GRK1: variants seen among roughly 807,000 people sequenced by gnomAD.
GRK1 encodes G protein-coupled receptor kinase 1.
GRK1 carries 28 observed loss-of-function variants against 41.7 expected under a neutral mutation model. The observed-to-expected ratio is 0.67, with a 90% CI of 0.50 to 0.92. The LOEUF (loss-of-function observed/expected upper bound fraction) is 0.92. Ranked by LOEUF, GRK1 falls within the 40% of genes least tolerant of loss-of-function variation. The pLI is 0.00. For missense variants in GRK1, 703 were observed against 671.2 expected, an observed-to-expected ratio of 1.05 and a Z score of -0.52; for synonymous variants, 327 against 286.7, an observed-to-expected ratio of 1.14 and a Z score of -1.42.
chr13:113,672,268 T>A (rs921621590), intron 3 of GRK1, among the ~76,000 whole-genome samples: 23 of 149,754 alleles, frequency 1.5e-4, no homozygotes, highest in Non-Finnish European at 2.7e-4. Context: ...TGTGATTGTG[T>A]GGTGTGTGCG....
the GRK1 span, chr13:113,653,252 TCACC>T: frequency 8.9e-6 from 13 of 1,457,416 alleles, no homozygotes; most frequent in South Asian, 7.1e-5. Flanking sequence ...GCTTCACACC[TCACC>T]CACCCGCCGC....
chr13:113,733,633 G>A (rs926852160), intron 6 of GRK1, among the ~76,000 whole-genome samples: 1 of 149,876 alleles, frequency 6.7e-6, no homozygotes, highest in African/African-American at 2.5e-5. Context: ...ATACGTGTGT[G>A]CTCATGTATG....
At chr13:113,658,018 G>GC in the GRK1 span, 28 of 1,582,790 alleles carry the variant, frequency 1.8e-5, 1 homozygote, top group South Asian at 1.4e-4. Flanking sequence ...CAGCCGGCCC[G>GC]CCCCCCGCAC....
chr13:113,657,062 A>G, the GRK1 span, among the ~76,000 whole-genome samples: 1 of 152,166 alleles, frequency 6.6e-6, no homozygotes, highest in Non-Finnish European at 1.5e-5. Context: ...GAGACCGTGG[A>G]GCCTCCAGCG....
the GRK1 span, chr13:113,657,990 C>G: frequency 6.7e-7 from 1 of 1,486,132 alleles, no homozygotes; most frequent in Non-Finnish European, 9.1e-7. Context: ...GTCCTCAGAG[C>G]GGCCCCCTCC....
At chr13:113,657,385 C>T in the GRK1 span, among the ~76,000 whole-genome samples, 7,467 of 152,332 alleles carry the variant, frequency 0.049, 302 homozygotes, top group Non-Finnish European at 0.062. Flanking sequence ...TTTCCCGGAA[C>T]GGGTGTGGCA....
At chr13:113,653,166 C>G in the GRK1 span, 1 of 1,474,556 alleles carries the variant, frequency 6.8e-7, no homozygotes, top group Non-Finnish European at 9.2e-7. Flanking sequence ...GTGCGAGTTT[C>G]TCATGAAATA....
At position 113,736,595 on chromosome 13, in the gene GRK1, G is replaced by C. The variant is rs1156351601; in HGVS notation, c.*1232G>C. The C allele has an allele frequency of 6.6e-6, 1 of 152,256 alleles. No homozygotes were observed. The highest frequency in any genetic ancestry group is 1.5e-5 in the Non-Finnish European group (1 of 68,052). 9.4% of individuals were successfully genotyped at this position (152,256 alleles called of 1,614,324 possible). ...TGGCCTGGGTTCCATGGCCTCAGCA[G>C]CCGGCTCAGAGGGAGTGCATCCAAG... On this transcript the variant is annotated 3_prime_UTR_variant, in exon 7 of 7. Transcript: ENST00000335678.
At chr13:113,651,770 C>T in the GRK1 span, 13 of 1,604,974 alleles carry the variant, frequency 8.1e-6, no homozygotes, top group Admixed American at 3.4e-5. Context: ...CCACCCCCAC[C>T]GCCATGTGAG....
intron 5 of GRK1, 112 bp from the exon 6 acceptor site, chr13:113,732,770 TGG>T (rs1449117402): frequency 8.9e-7 from 1 of 1,127,586 alleles, no homozygotes; most frequent in African/African-American, 1.6e-5. Flanking sequence ...CAAGGCCTCA[TGG>T]GTCCCCCACC....
At chr13:113,658,920 G>A in the GRK1 span, among the ~76,000 whole-genome samples, 16 of 152,194 alleles carry the variant, frequency 1.1e-4, no homozygotes, top group African/African-American at 2.9e-4. Context: ...TCAGCCCAGC[G>A]AGTCCTGTGG....
At position 113,667,798 on chromosome 13, in the gene GRK1, C is replaced by A. The variant is rs753003410; in HGVS notation, c.412C>A (p.Pro138Thr). The change falls in exon 1 of 7, where the codon CCT (proline) becomes ACT (threonine). Residue 138 changes from proline to threonine, a missense_variant. Transcript: ENST00000335678. This position sits in a 1 kb window ranked among gnomAD's most constrained non-coding sequence, Gnocchi z 7.5. Reference sequence around the variant, plus strand: ...GATAGTGGCGAAGTTTAAGGAGGGGCCTGTGGAGATCCAGGACGGGCTCTT... The same window carrying A: ...GATAGTGGCGAAGTTTAAGGAGGGGACTGTGGAGATCCAGGACGGGCTCTT... ...EGIVAKFKEGPVEIQDGLFQP... is the reference protein window; with the variant it reads ...EGIVAKFKEGTVEIQDGLFQP... 1.0e-5 allele frequency: 16 copies of A among 1,607,886 alleles called. No individual in the cohort carries two copies. The East Asian group carries it at 2.9e-4, about 29-fold the overall frequency.
At chr13:113,734,143 TGGAA>T (rs967020908) in intron 6 of GRK1, among the ~76,000 whole-genome samples, 12 of 152,042 alleles carry the variant, frequency 7.9e-5, no homozygotes, top group African/African-American at 2.9e-4. Context: ...TGTGGTCAGG[TGGAA>T]GGGTCAGGCC....
upstream of GRK1, among the ~76,000 whole-genome samples, chr13:113,665,110 C>G (rs1048198388): frequency 6.6e-6 from 1 of 152,166 alleles, no homozygotes; most frequent in Non-Finnish European, 1.5e-5. Flanking sequence ...TCTTCTCCCA[C>G]GTGGAATGGG....
At chr13:113,653,666 G>T in the GRK1 span, among the ~76,000 whole-genome samples, 233 of 152,234 alleles carry the variant, frequency 1.5e-3, no homozygotes, top group African/African-American at 5.4e-3. Context: ...CTGCCATGGT[G>T]GGGGGTGGGG....
chr13:113,654,545 A>T, the GRK1 span, among the ~76,000 whole-genome samples: 916 of 152,380 alleles, frequency 6.0e-3, 11 homozygotes, highest in African/African-American at 0.02. Context: ...CTAAAGCCAA[A>T]GTCAGATTTT....
chr13:113,661,867 CA>C, the GRK1 span, among the ~76,000 whole-genome samples: 1 of 152,164 alleles, frequency 6.6e-6, no homozygotes, highest in Non-Finnish European at 1.5e-5. Context: ...CCTCTAGGCC[CA>C]GATGATTTCA....
the GRK1 span, chr13:113,653,537 C>G: frequency 1.1e-6 from 1 of 928,598 alleles, no homozygotes; most frequent in Non-Finnish European, 1.7e-6. Context: ...TGGCCCAACC[C>G]AGGAGCCTCC....
At chr13:113,652,214 C>T in the GRK1 span, among the ~76,000 whole-genome samples, 3 of 152,358 alleles carry the variant, frequency 2.0e-5, no homozygotes, top group South Asian at 4.1e-4. Context: ...TGCCATGAGA[C>T]GGGCACAGTG....
Sources: allele counts gnomAD v4.1 joint callset (sites outside exome capture counted in the v4.1 genomes callset), GRCh38; gene constraint gnomAD v4.1.1; non-coding constraint Gnocchi (gnomAD v3.1); transcripts MANE v1.5; gene names NCBI Gene and HGNC (gene_info 2026-07-23, HGNC 2026-07-21).